Variants in GNAL observed in about 807,000 individuals in gnomAD.
GNAL encodes G protein subunit alpha L.
In GNAL, 18 loss-of-function variants were observed where a neutral mutation model predicts 55.1. The observed-to-expected ratio is 0.33, with a 90% CI of 0.23 to 0.48. The LOEUF is 0.48. Ranked by LOEUF, GNAL falls within the 20% of genes least tolerant of loss-of-function variation. The probability of loss-of-function intolerance (pLI) is 0.99; values close to 1 mark genes in which losing one functional copy is unlikely to be tolerated. For missense variants in GNAL, 412 were observed against 614.1 expected, an observed-to-expected ratio of 0.67 and a Z score of 3.48; for synonymous variants, 253 against 237.0, an observed-to-expected ratio of 1.07 and a Z score of -0.62.
At position 11,760,265 on chromosome 18, in the gene GNAL, C is replaced by G. The variant is rs576140944; in HGVS notation, c.624+6320C>G. Among the ~76,000 whole-genome samples the G allele has an allele frequency of 4.6e-5, 7 of 152,182 alleles. No individual in the cohort carries two copies. In the South Asian group the frequency reaches 6.2e-4, roughly 14 times the overall value. On this transcript the variant is annotated intron_variant, in intron 4 of 11. Coordinates refer to ENST00000334049, the MANE Select transcript of GNAL (RefSeq NM_182978.4). ...GGGACAGGCCAATTGGGATGTCACA[C>G]AGTGTGAAAGAACATGAGGTCCCCA...
intron 1 of GNAL, among the ~76,000 whole-genome samples, chr18:11,713,956 C>A (rs1017425148): frequency 6.6e-6 from 1 of 152,210 alleles, no homozygotes; most frequent in Non-Finnish European, 1.5e-5. Context: ...AGGCCTAACA[C>A]CTTCTCTGTC....
chr18:11,827,641 G>A (rs1277042479), intron 5 of GNAL, among the ~76,000 whole-genome samples: 2 of 139,822 alleles, frequency 1.4e-5, no homozygotes, highest in Non-Finnish European at 3.0e-5. Flanking sequence ...AATTAAAAAT[G>A]TCCTGTTTCC....
intron 5 of GNAL, chr18:11,833,381 GCACTACAATAA>G (rs1325831276): frequency 6.6e-6 from 1 of 152,144 alleles, no homozygotes. Context: ...CTGTTTATGA[GCACTACAATAA>G]CATTTACTTT....
chr18:11,812,416 G>C (rs2034839436), intron 4 of GNAL, among the ~76,000 whole-genome samples: 1 of 152,118 alleles, frequency 6.6e-6, no homozygotes, highest in Non-Finnish European at 1.5e-5. Context: ...CAGGCCTCAA[G>C]GATCTTGAGA....
intron 1 of GNAL, among the ~76,000 whole-genome samples, chr18:11,708,431 G>A (rs188310691): frequency 3.7e-4 from 56 of 152,188 alleles, no homozygotes; most frequent in Admixed American, 2.0e-3. Context: ...GGTGCTATAC[G>A]TGACACCTCA....
intron 5 of GNAL, among the ~76,000 whole-genome samples, chr18:11,828,264 C>A (rs1878153461): frequency 6.6e-6 from 1 of 152,072 alleles, no homozygotes; most frequent in Non-Finnish European, 1.5e-5. Flanking sequence ...AGAAGCTGGG[C>A]ATGGTGGCAC....
In GNAL at chr18:11,839,668, C is replaced by T. The variant is rs1192429551; in HGVS notation, c.722+14653C>T. Among the ~76,000 whole-genome samples the T allele has an allele frequency of 2.0e-5, 3 of 151,864 alleles. No homozygotes were observed. The East Asian group carries it at 5.8e-4, about 29-fold the overall frequency. On this transcript the variant is annotated intron_variant, in intron 5 of 11. Transcript: ENST00000334049. The stretch of plus-strand genomic sequence containing the variant: ...AAAGTGGAAACAACCCAAGTGTCAT[C>T]AGCTGACAAATGGATAAACAAAATG...
chr18:11,813,254 T>TAA (rs60626923), intron 4 of GNAL, among the ~76,000 whole-genome samples: 3 of 138,446 alleles, frequency 2.2e-5, no homozygotes, highest in African/African-American at 8.2e-5. Context: ...GACTCCATCT[T>TAA]AAAAAAAAGA....
chr18:11,779,405 T>C (rs1384261962), intron 4 of GNAL, among the ~76,000 whole-genome samples: 2 of 152,240 alleles, frequency 1.3e-5, no homozygotes, highest in Non-Finnish European at 1.5e-5. Context: ...AGCAGTCATT[T>C]GATGGCCTGT....
chr18:11,740,665 C>G (rs2032557332), intron 1 of GNAL, among the ~76,000 whole-genome samples: 1 of 152,224 alleles, frequency 6.6e-6, no homozygotes, highest in East Asian at 1.9e-4. Flanking sequence ...TCTGAAAATC[C>G]TGGCTCTCAT....
chr18:11,725,538 T>G (rs2032193404), intron 1 of GNAL, among the ~76,000 whole-genome samples: 1 of 152,224 alleles, frequency 6.6e-6, no homozygotes, highest in Non-Finnish European at 1.5e-5. Flanking sequence ...GAATGTTGTA[T>G]TGTTGGAATC....
At chr18:11,750,337 C>T in intron 1 of GNAL, among the ~76,000 whole-genome samples, 1 of 151,956 alleles carries the variant, frequency 6.6e-6, no homozygotes. Flanking sequence ...ACCGTGGGGG[C>T]GGTGTGTCTG....
chr18:11,881,032 C>A lies in GNAL; in HGVS notation c.1274C>A (p.Pro425Gln), dbSNP rs756685510. Residue 425 changes from proline to glutamine, a missense_variant, in exon 12 of 12, where the codon CCG becomes CAG. Physicochemically the swap from Pro to Gln is moderately conservative, Grantham distance 76. Around this residue, in one of 5 missense-constraint regions of GNAL, gnomAD observed 79 missense variants for 127.1 expected, o/e 0.62. Transcript: ENST00000334049. This position sits in a 1 kb window ranked among gnomAD's most constrained non-coding sequence, Gnocchi z 4.8. ...ATGDGKHYCY[P>Q]HFTCAVDTEN... ...GGTGACGGCAAACATTACTGCTACC[C>A]GCACTTCACCTGCGCCGTGGACACA... 1 of 1,614,108 alleles carries A rather than the reference C, an allele frequency of 6.2e-7. No individual in the cohort carries two copies. The highest frequency in any genetic ancestry group is 8.5e-7 in the Non-Finnish European group (1 of 1,179,974).
At chr18:11,863,441 C>A (rs1054018468) in intron 6 of GNAL, among the ~76,000 whole-genome samples, 5 of 152,158 alleles carry the variant, frequency 3.3e-5, no homozygotes, top group Non-Finnish European at 5.9e-5. Flanking sequence ...TCTCTCTCTC[C>A]CATGAAGTTT....
At chr18:11,831,746 C>A (rs1307324429) in intron 5 of GNAL, among the ~76,000 whole-genome samples, 1 of 152,196 alleles carries the variant, frequency 6.6e-6, no homozygotes, top group Non-Finnish European at 1.5e-5. Flanking sequence ...TAAGGCCAGG[C>A]CAATTCTTAC....
chr18:11,859,541 C>T (rs1001929284), intron 5 of GNAL, among the ~76,000 whole-genome samples: 1 of 152,148 alleles, frequency 6.6e-6, no homozygotes, highest in African/African-American at 2.4e-5. Flanking sequence ...CTCTCCAGCT[C>T]CCAGAGGGTC....
rs1353547560 is a variant in GNAL at position 11,747,117 on chromosome 18, C to G, written c.377-5736C>G. The G allele has an allele frequency of 7.3e-6, 3 of 409,416 alleles. No homozygotes were observed. In the East Asian group the frequency reaches 1.8e-4, roughly 24 times the overall value. 25.4% of individuals were successfully genotyped at this position (409,416 alleles called of 1,614,324 possible). A position where few individuals can be genotyped will look rare whatever the true frequency, so the allele number is the denominator to read the frequency against. On this transcript the variant is annotated intron_variant, in intron 1 of 11. Transcript: ENST00000334049. ...TTTGTTTGGTGTTCTCAGCGCAGATCGAACTGCCCACGCTGCCCACAGCCT... is the reference window on the plus strand; with the variant it reads ...TTTGTTTGGTGTTCTCAGCGCAGATGGAACTGCCCACGCTGCCCACAGCCT...
rs372871546 is a variant in GNAL at position 11,752,419 on chromosome 18, T to C, written c.377-434T>C. On this transcript the variant is annotated intron_variant, in intron 1 of 11. Transcript: ENST00000334049. The surrounding 1 kb of genome is among the most constrained non-coding windows in gnomAD (Gnocchi z 4.5). Reference sequence around the variant, plus strand: ...CACATTCCTAACTTCCTGACGTCCATCCCAGCGGGCAGGCATGGGGTGTTT... The same window carrying C: ...CACATTCCTAACTTCCTGACGTCCACCCCAGCGGGCAGGCATGGGGTGTTT... 2 of 1,595,958 alleles carry C rather than the reference T, an allele frequency of 1.3e-6. No individual in the cohort carries two copies. The highest frequency in any genetic ancestry group is 1.1e-5 in the South Asian group (1 of 89,612).
At position 11,851,696 on chromosome 18, in the gene GNAL, C is replaced by A. The variant is rs201261255; in HGVS notation, c.723-10699C>A. On this transcript the variant is annotated intron_variant, in intron 5 of 11. Transcript: ENST00000334049. ...AATGCCATCCGCCAGAAGAACCAGG[C>A]GGTGAATTTCTTGAGAATGAGTGCG... 160 of 1,613,956 alleles carry A rather than the reference C, an allele frequency of 9.9e-5. No homozygotes were observed. The highest frequency in any genetic ancestry group is 5.5e-5 in the Non-Finnish European group (65 of 1,179,882).
Sources: gnomAD v4.1 joint callset for allele counts (sites outside exome capture counted in the v4.1 genomes callset) on GRCh38, gnomAD v4.1.1 for gene constraint, gnomAD v4.1.1 regional missense constraint, Gnocchi (gnomAD v3.1) non-coding constraint, MANE v1.5 for transcripts, NCBI Gene and HGNC (gene_info 2026-07-23, HGNC 2026-07-21) for gene names.